EPHB1: variants seen among roughly 807,000 people sequenced by gnomAD.
EPHB1 encodes EPH receptor B1, also known as ephrin type-B receptor 1.
A neutral mutation model predicts 94.4 loss-of-function variants in EPHB1; 30 were observed. That is an observed-to-expected ratio of 0.32 (90% CI 0.24 to 0.43). The LOEUF is 0.43. Ranked by LOEUF, EPHB1 falls within the 20% of genes least tolerant of loss-of-function variation. The pLI is 1.00. For synonymous variants in EPHB1, 522 were observed against 489.1 expected (o/e 1.07, Z -0.89); for missense variants, 1,055 against 1,308.3 (o/e 0.81, Z 2.99).
At chr3:134,929,611 G>A (rs1356500571) in intron 2 of EPHB1, among the ~76,000 whole-genome samples, 1 of 152,232 alleles carries the variant, frequency 6.6e-6, no homozygotes, top group Non-Finnish European at 1.5e-5. Context: ...ACAGGAAAGA[G>A]TGAGGCGAGG....
chr3:135,106,353 T>C (rs1423011207), intron 3 of EPHB1, 95 bp from the exon 4 acceptor site: 6 of 1,437,196 alleles, frequency 4.2e-6, no homozygotes, highest in Non-Finnish European at 5.8e-6. Flanking sequence ...CTCAATGTTC[T>C]TTTTAGAGAG....
At chr3:134,985,757 C>T (rs975986310) in intron 3 of EPHB1, among the ~76,000 whole-genome samples, 2 of 152,120 alleles carry the variant, frequency 1.3e-5, no homozygotes, top group East Asian at 1.9e-4. Context: ...CTGTTTTGTT[C>T]TTTTAGTTCA....
At chr3:135,221,110 A>G (rs1301345221) in intron 12 of EPHB1, among the ~76,000 whole-genome samples, 1 of 152,222 alleles carries the variant, frequency 6.6e-6, no homozygotes, top group Non-Finnish European at 1.5e-5. Context: ...CCCCAATAAA[A>G]TGATATGAAA....
intron 1 of EPHB1, among the ~76,000 whole-genome samples, chr3:134,830,788 A>G (rs1364165285): frequency 6.6e-6 from 1 of 152,140 alleles, no homozygotes; most frequent in African/African-American, 2.4e-5. Context: ...TTGCCCTCCC[A>G]GCTAGTGTCT....
At chr3:135,169,327 T>C (rs571533061) in intron 9 of EPHB1, among the ~76,000 whole-genome samples, 2 of 152,274 alleles carry the variant, frequency 1.3e-5, no homozygotes, top group South Asian at 2.1e-4. Flanking sequence ...GCAGGGTTTT[T>C]TGTGGGTCTG....
intron 8 of EPHB1, among the ~76,000 whole-genome samples, chr3:135,166,708 G>T (rs908892557): frequency 6.6e-6 from 1 of 152,178 alleles, no homozygotes; most frequent in African/African-American, 2.4e-5. Flanking sequence ...CCACAGTCCC[G>T]CCAGGCTTCT....
chr3:135,241,416 A>G lies in EPHB1; in HGVS notation c.2496+119A>G, dbSNP rs1195768758. The G allele has an allele frequency of 1.6e-5, 20 of 1,286,446 alleles. No homozygotes were observed. The East Asian group carries it at 1.6e-4, about 10-fold the overall frequency. The allele number at this position is 1,286,446 out of a possible 1,614,324, so 79.7% of individuals were successfully genotyped here. A position where few individuals can be genotyped will look rare whatever the true frequency, so the allele number is the denominator to read the frequency against. The stretch of plus-strand genomic sequence containing the variant: ...CTCATAATCTGAACCTGCAGTGTTC[A>G]GGGTAGGGGATACAGGGACACCCTT... On this transcript the variant is annotated intron_variant, in intron 13 of 15. Transcript: ENST00000398015.
At chr3:135,097,168 GT>G (rs145129220) in intron 3 of EPHB1, among the ~76,000 whole-genome samples, 2,947 of 104,584 alleles carry the variant, frequency 0.028, 34 homozygotes, top group African/African-American at 0.095. Context: ...TTTTTTCTTT[GT>G]TTTTTTTTTT....
intron 1 of EPHB1, among the ~76,000 whole-genome samples, chr3:134,921,160 A>C (rs1272051319): frequency 6.6e-6 from 1 of 151,838 alleles, no homozygotes; most frequent in Admixed American, 6.6e-5. Flanking sequence ...CCTTTTGCTC[A>C]CTGTTTTTCT....
rs147655817 is a variant in EPHB1 at position 135,059,873 on chromosome 3, G to A, written c.806-46575G>A. Among the ~76,000 whole-genome samples the A allele has an allele frequency of 6.0e-3, 919 of 152,212 alleles. 6 individuals carry two copies. Among genetic ancestry groups the A allele is most frequent in the Non-Finnish European group, 8.2e-3 (557 of 68,006 alleles). On this transcript the variant is annotated intron_variant, in intron 3 of 15. Transcript: ENST00000398015. ...TGGCCCGTTTGGGCCTCAGCGTGCC[G>A]ATGTAAGAGATGAGAATCCATCTGG...
intron 2 of EPHB1, among the ~76,000 whole-genome samples, chr3:134,928,554 T>G (rs967930901): frequency 6.6e-6 from 1 of 152,058 alleles, no homozygotes; most frequent in Admixed American, 6.5e-5. Flanking sequence ...ATCCTTGGAG[T>G]CAGAGGACAC....
rs1226750780 is a variant in EPHB1, at chr3:135,166,981, G to A, written c.1734G>A (p.Lys578=). The A allele has an allele frequency of 3.1e-6, 5 of 1,614,076 alleles. No homozygotes were observed. Among genetic ancestry groups the A allele is most frequent in the Non-Finnish European group, 4.2e-6 (5 of 1,180,032 alleles). Residue 578 remains lysine (K), a synonymous_variant, in exon 9 of 16, where the codon AAG becomes AAA. Coordinates refer to ENST00000398015, the MANE Select transcript of EPHB1 (RefSeq NM_004441.5). The part of the protein sequence containing the change: ...AYSKEAVYSD[K]LQHYSTGRGS... ...GCAAAGAGGCTGTGTACAGCGATAAGCTCCAGCATTACAGCACAGGCCGAG... is the reference window on the plus strand; with the variant it reads ...GCAAAGAGGCTGTGTACAGCGATAAACTCCAGCATTACAGCACAGGCCGAG...
intron 1 of EPHB1, among the ~76,000 whole-genome samples, chr3:134,833,230 C>T (rs1560254283): frequency 6.6e-6 from 1 of 152,310 alleles, no homozygotes; most frequent in Non-Finnish European, 1.5e-5. Context: ...CACCTAGACT[C>T]CTTAGCTTTG....
intron 12 of EPHB1, among the ~76,000 whole-genome samples, 182 bp downstream of exon 12, chr3:135,201,871 A>G (rs1371599784): frequency 6.6e-6 from 1 of 152,156 alleles, no homozygotes; most frequent in East Asian, 1.9e-4. Flanking sequence ...TGGTTGTTCA[A>G]GCAAGAAAGC....
At chr3:135,004,479 G>C (rs1401726159) in intron 3 of EPHB1, among the ~76,000 whole-genome samples, 1 of 152,090 alleles carries the variant, frequency 6.6e-6, no homozygotes, top group Non-Finnish European at 1.5e-5. Flanking sequence ...GGCGTTCTCT[G>C]TATTTCCTGA....
chr3:135,096,925 G>A (rs567724443), intron 3 of EPHB1, among the ~76,000 whole-genome samples: 89 of 151,932 alleles, frequency 5.9e-4, no homozygotes, highest in Non-Finnish European at 8.7e-4. Flanking sequence ...GTGAAACCCC[G>A]TCTCTACTTA....
intron 5 of EPHB1, among the ~76,000 whole-genome samples, chr3:135,150,921 A>T (rs1941171965): frequency 6.6e-6 from 1 of 152,164 alleles, no homozygotes; most frequent in African/African-American, 2.4e-5. Flanking sequence ...CTGCTTCTAG[A>T]AATGTCTCCC....
chr3:135,176,147 C>T (rs1941972623), intron 9 of EPHB1, among the ~76,000 whole-genome samples: 1 of 152,100 alleles, frequency 6.6e-6, no homozygotes, highest in Non-Finnish European at 1.5e-5. Context: ...CAGGGGAGCC[C>T]TTACGTGCTT....
At chr3:134,917,008 C>T (rs2038588067) in intron 1 of EPHB1, among the ~76,000 whole-genome samples, 1 of 152,200 alleles carries the variant, frequency 6.6e-6, no homozygotes, top group South Asian at 2.1e-4. Context: ...TTACAGCAGT[C>T]CTAAGAAACT....
Sources: gnomAD v4.1 joint callset for allele counts (sites outside exome capture counted in the v4.1 genomes callset) on GRCh38, gnomAD v4.1.1 for gene constraint, MANE v1.5 for transcripts, NCBI Gene and HGNC (gene_info 2026-07-23, HGNC 2026-07-21) for gene names.